Variants in BCAS3 observed in about 807,000 individuals in gnomAD.
The protein encoded by BCAS3 is BCAS4/BCAS3 fusion.
Under a neutral mutation model 116.1 loss-of-function variants are expected in BCAS3, and 53 were observed. That is an observed-to-expected ratio of 0.46 (90% confidence interval 0.37 to 0.57). The LOEUF is 0.57. BCAS3 is among the 20% of genes least tolerant of loss of function. BCAS3 has a pLI of 0.00. For missense variants in BCAS3, 917 were observed against 1,165.4 expected (o/e 0.79, Z 3.10); for synonymous variants, 391 against 408.2 (o/e 0.96, Z 0.51).
In BCAS3 at chr17:61,041,418, A is replaced by G. The variant is rs2067500023; in HGVS notation, c.2029+526A>G. On this transcript the variant is annotated intron_variant, in intron 19 of 23. Coordinates refer to ENST00000407086, the MANE Select transcript of BCAS3 (RefSeq NM_017679.5). This position sits in a 1 kb window ranked among gnomAD's most constrained non-coding sequence, Gnocchi z 4.7. Reference sequence around the variant, plus strand: ...CGTGAGCATTTGTAGAGACTGAACCAAGTTCATTGACCTAGATAACAGCTT... The same window carrying G: ...CGTGAGCATTTGTAGAGACTGAACCGAGTTCATTGACCTAGATAACAGCTT... Among the ~76,000 whole-genome samples, 1 of 152,254 alleles carries G rather than the reference A, an allele frequency of 6.6e-6. No individual in the cohort carries two copies. Among genetic ancestry groups the G allele is most frequent in the Admixed American group, 6.5e-5 (1 of 15,296 alleles).
chr17:60,814,306 T>TGTGTGTGCGCGCGCGTGCGC (rs368289350), intron 7 of BCAS3, among the ~76,000 whole-genome samples: 1 of 148,198 alleles, frequency 6.7e-6, no homozygotes, highest in African/African-American at 2.5e-5. Context: ...TGTGTGTGTG[T>TGTGTGTGCGCGCGCGTGCGC]GCGCGCGTGC....
rs2056420285 is a variant in BCAS3, at chr17:61,333,100, CA to C, written c.2426-35225del. Among the ~76,000 whole-genome samples the C allele has an allele frequency of 6.6e-6, 1 of 152,220 alleles. No individual in the cohort carries two copies. The highest frequency in any genetic ancestry group is 2.4e-5 in the African/African-American group (1 of 41,454). ...ACAAGCCCTTTCTCATAGACCCCAG[CA>C]AGGTGCTTTCTCCCTGGACCCCACT... On this transcript the variant is annotated intron_variant, in intron 22 of 23. Transcript: ENST00000407086. The surrounding 1 kb of genome is among the most constrained non-coding windows in gnomAD (Gnocchi z 4.8).
At chr17:60,886,350 AT>A (rs2056635741) in intron 9 of BCAS3, 1 of 143,292 alleles carries the variant, frequency 7.0e-6, no homozygotes, top group African/African-American at 2.6e-5. Context: ...ATTCTTCTAA[AT>A]TTTTTTCAAA....
At chr17:61,054,515 C>T (rs1235606579) in intron 19 of BCAS3, among the ~76,000 whole-genome samples, 1 of 152,248 alleles carries the variant, frequency 6.6e-6, no homozygotes, top group East Asian at 1.9e-4. Flanking sequence ...TACAGGTGTG[C>T]ACCACCATGC....
Position 61,021,205 on chromosome 17 carries a change from G to C in BCAS3, c.1637+5304G>C, listed in dbSNP as rs1239964603. ...CGAGTAGCTGGGACTACAAGTGGGT[G>C]TGTGCCACCATGCCTGTCTAAGTTT... On this transcript the variant is annotated intron_variant, in intron 16 of 23. Transcript: ENST00000407086. This position sits in a 1 kb window ranked among gnomAD's most constrained non-coding sequence, Gnocchi z 4.6. Among the ~76,000 whole-genome samples, 13 of 152,086 alleles carry C rather than the reference G, an allele frequency of 8.5e-5. No homozygotes were observed. The highest frequency in any genetic ancestry group is 7.9e-4 in the Admixed American group (12 of 15,282).
intron 6 of BCAS3, among the ~76,000 whole-genome samples, chr17:60,767,513 T>C (rs966784117): frequency 6.6e-6 from 1 of 151,472 alleles, no homozygotes; most frequent in Non-Finnish European, 1.5e-5. Context: ...CCCGGCTAAT[T>C]TTTTTGTATT....
In BCAS3 at chr17:61,220,991, T is replaced by A. The variant is rs2082077605; in HGVS notation, c.2425+136427T>A. ...GGCGGGCGCCTGTAGTCCCAGCTATTTGGGAGGCTGAGGCAGAAGAATGGC... is the reference window on the plus strand; with the variant it reads ...GGCGGGCGCCTGTAGTCCCAGCTATATGGGAGGCTGAGGCAGAAGAATGGC... On this transcript the variant is annotated intron_variant, in intron 22 of 23. Transcript: ENST00000407086. The surrounding 1 kb of genome is among the most constrained non-coding windows in gnomAD (Gnocchi z 4.5). 6.6e-6 allele frequency among the ~76,000 whole-genome samples: 1 copy of A among 152,026 alleles called. No homozygotes were observed. The highest frequency in any genetic ancestry group is 2.4e-5 in the African/African-American group (1 of 41,382).
At chr17:61,006,854 C>T (rs945317774) in intron 15 of BCAS3, among the ~76,000 whole-genome samples, 1 of 151,742 alleles carries the variant, frequency 6.6e-6, no homozygotes, top group Admixed American at 6.6e-5. Flanking sequence ...ACTTTCTTCC[C>T]TCTTGTGTTA....
At chr17:61,297,292 A>T (rs1312295261) in intron 22 of BCAS3, among the ~76,000 whole-genome samples, 3 of 152,206 alleles carry the variant, frequency 2.0e-5, no homozygotes, top group East Asian at 3.8e-4. Context: ...GAGGCTGGGG[A>T]TGGAGGAGAG....
chr17:61,159,991 T>A (rs1341745624), intron 22 of BCAS3, among the ~76,000 whole-genome samples: 1 of 71,782 alleles, frequency 1.4e-5, no homozygotes, highest in Non-Finnish European at 3.4e-5. Context: ...GTTGGCATCT[T>A]TGATTTTTTT....
rs544838608 is a variant in BCAS3, at chr17:61,066,829, G to A, written c.2030-8091G>A. 5.3e-5 allele frequency among the ~76,000 whole-genome samples: 8 copies of A among 151,932 alleles called. No individual in the cohort carries two copies. The East Asian group carries it at 9.7e-4, about 18-fold the overall frequency. On this transcript the variant is annotated intron_variant, in intron 19 of 23. Coordinates refer to ENST00000407086, the MANE Select transcript of BCAS3 (RefSeq NM_017679.5). The stretch of plus-strand genomic sequence containing the variant: ...CTAGGAATGGTAATAACTCATTCTC[G>A]GAATCCTGGTTCAAATTCACCTATC...
rs1034797959 is a variant in BCAS3 at position 61,189,422 on chromosome 17, G to A, written c.2425+104858G>A. 2.6e-5 allele frequency among the ~76,000 whole-genome samples: 4 copies of A among 152,184 alleles called. No homozygotes were observed. Among genetic ancestry groups the A allele is most frequent in the South Asian group, 2.1e-4 (1 of 4,830 alleles). On this transcript the variant is annotated intron_variant, in intron 22 of 23. Transcript: ENST00000407086. This position sits in a 1 kb window ranked among gnomAD's most constrained non-coding sequence, Gnocchi z 4.5. ...CAGAGCAGTGTGTATTTTAGTTAAG[G>A]AACTTGGACTTATATCCTATAAGGA...
rs1380741299 is a variant in BCAS3, at chr17:61,244,618, C to T, written c.2426-123709C>T. On this transcript the variant is annotated intron_variant, in intron 22 of 23. Transcript: ENST00000407086. This position sits in a 1 kb window ranked among gnomAD's most constrained non-coding sequence, Gnocchi z 4.9. ...GTGGCTCATGCCTGTAATCCCAGCA[C>T]TTTGGGAGGCCAAAGCGGGCGGATC... 1.3e-5 allele frequency among the ~76,000 whole-genome samples: 2 copies of T among 152,228 alleles called. No individual in the cohort carries two copies. Among genetic ancestry groups the T allele is most frequent in the Admixed American group, 1.3e-4 (2 of 15,282 alleles).
intron 6 of BCAS3, among the ~76,000 whole-genome samples, chr17:60,802,167 C>T (rs994389001): frequency 6.6e-6 from 1 of 151,422 alleles, no homozygotes. Flanking sequence ...GCCTGTAGTC[C>T]CAGCTACTTG....
intron 22 of BCAS3, among the ~76,000 whole-genome samples, chr17:61,100,761 C>T (rs1403529417): frequency 6.6e-6 from 1 of 152,156 alleles, no homozygotes; most frequent in Non-Finnish European, 1.5e-5. Flanking sequence ...GGCTAGGGAG[C>T]AGAAGTGACA....
intron 15 of BCAS3, among the ~76,000 whole-genome samples, chr17:60,996,792 TA>T (rs1431243992): frequency 6.6e-6 from 1 of 152,174 alleles, no homozygotes; most frequent in African/African-American, 2.4e-5. Flanking sequence ...TGACATTAAG[TA>T]GCCAGTGACA....
rs776735306 is a variant in BCAS3 at position 61,392,064 on chromosome 17, G to C, written c.2681G>C (p.Arg894Pro). Residue 894 changes from arginine to proline, a missense_variant, in exon 24 of 24, where the codon CGA becomes CCA. By Grantham distance (103) the Arg-to-Pro change is moderately radical. Transcript: ENST00000407086. This position sits in a 1 kb window ranked among gnomAD's most constrained non-coding sequence, Gnocchi z 6.4. ...ATACCAAGAAACTTTGATGGCTACC[G>C]ATCTCCGCTGCCCACCAATGAGAGC... is the stretch of plus-strand genomic sequence containing the variant. ...GSIPRNFDGY[R>P]SPLPTNESQP... 1.1e-5 allele frequency: 17 copies of C among 1,613,636 alleles called. No individual in the cohort carries two copies. In the Admixed American group the frequency reaches 1.2e-4, roughly 11 times the overall value.
In BCAS3 at chr17:61,156,572, C is replaced by T. The variant is rs1404071921; in HGVS notation, c.2425+72008C>T. ...TCTCTCTCACCTTCTCCCTACCCAACCCCTGCCTCCCCTTTTATTTTTATG... is the reference window on the plus strand; with the variant it reads ...TCTCTCTCACCTTCTCCCTACCCAATCCCTGCCTCCCCTTTTATTTTTATG... On this transcript the variant is annotated intron_variant, in intron 22 of 23. Transcript: ENST00000407086. The surrounding 1 kb of genome is among the most constrained non-coding windows in gnomAD (Gnocchi z 4.7). Among the ~76,000 whole-genome samples the T allele has an allele frequency of 6.6e-6, 1 of 152,122 alleles. No individual in the cohort carries two copies. The highest frequency in any genetic ancestry group is 2.4e-5 in the African/African-American group (1 of 41,426).
At chr17:60,702,071 A>G (rs974130840) in intron 4 of BCAS3, among the ~76,000 whole-genome samples, 2 of 152,218 alleles carry the variant, frequency 1.3e-5, no homozygotes, top group Non-Finnish European at 2.9e-5. Flanking sequence ...ATAAAAAGTT[A>G]AGATTTATCA....
Sources: allele counts gnomAD v4.1 joint callset (sites outside exome capture counted in the v4.1 genomes callset), GRCh38; gene constraint gnomAD v4.1.1; non-coding constraint Gnocchi (gnomAD v3.1); transcripts MANE v1.5; gene names NCBI Gene and HGNC (gene_info 2026-07-23, HGNC 2026-07-21).